TMEM132C: variants seen among roughly 807,000 people sequenced by gnomAD.
TMEM132C encodes the protein transmembrane protein 132C.
In TMEM132C, 29 loss-of-function variants were observed where a neutral mutation model predicts 61.4. That is an observed-to-expected ratio of 0.47 (90% CI 0.35 to 0.64). The LOEUF (loss-of-function observed/expected upper bound fraction) is 0.64. Among genes scored for constraint, TMEM132C ranks in the 30% least tolerant of loss-of-function variants. TMEM132C has a pLI of 0.00. For synonymous variants in TMEM132C, 656 were observed against 633.1 expected (o/e 1.04, Z -0.54); for missense variants, 1,408 against 1,476.9 (o/e 0.95, Z 0.76).
At chr12:128,542,802 A>C (rs1873804426) in intron 2 of TMEM132C, among the ~76,000 whole-genome samples, 1 of 150,298 alleles carries the variant, frequency 6.7e-6, no homozygotes, top group Admixed American at 6.7e-5. Flanking sequence ...CGGAGGTTGC[A>C]ATGAGCCAAG....
At chr12:128,366,348 C>G (rs1291210517) in intron 1 of TMEM132C, among the ~76,000 whole-genome samples, 2 of 152,262 alleles carry the variant, frequency 1.3e-5, no homozygotes, top group Non-Finnish European at 2.9e-5. Context: ...GCGTGGACAA[C>G]TGCACAGTGC....
At chr12:128,304,196 T>G (rs1871684013) in intron 1 of TMEM132C, among the ~76,000 whole-genome samples, 2 of 152,208 alleles carry the variant, frequency 1.3e-5, no homozygotes, top group South Asian at 4.1e-4. Context: ...TAATTTATCT[T>G]TTATTGAGAC....
Position 128,447,973 on chromosome 12 carries a change from G to T in TMEM132C, c.974+32353G>T, listed in dbSNP as rs758660723. On this transcript the variant is annotated intron_variant, in intron 2 of 8. Coordinates refer to ENST00000435159, the MANE Select transcript of TMEM132C (RefSeq NM_001136103.3). Reference sequence around the variant, plus strand: ...GATCTCCTGACCTCATGATCCACCCGCCTCGGCCTCCCAAAGTGCTGGGTC... The same window carrying T: ...GATCTCCTGACCTCATGATCCACCCTCCTCGGCCTCCCAAAGTGCTGGGTC... Among the ~76,000 whole-genome samples, 4 of 95,462 alleles carry T rather than the reference G, an allele frequency of 4.2e-5. 1 individual carries two copies. The highest frequency in any genetic ancestry group is 8.3e-5 in the Non-Finnish European group (4 of 48,276). The allele number at this position is 95,462 out of a possible 152,430, so 62.6% of individuals were successfully genotyped here. A position where few individuals can be genotyped will look rare whatever the true frequency, so the allele number is the denominator to read the frequency against.
At chr12:128,447,388 A>G (rs1870018479) in intron 2 of TMEM132C, among the ~76,000 whole-genome samples, 1 of 152,218 alleles carries the variant, frequency 6.6e-6, no homozygotes, top group Non-Finnish European at 1.5e-5. Flanking sequence ...ATTTGGTGCC[A>G]TCAGGGAAGG....
At chr12:128,333,184 G>A (rs1872705122) in intron 1 of TMEM132C, among the ~76,000 whole-genome samples, 1 of 142,912 alleles carries the variant, frequency 7.0e-6, no homozygotes, top group East Asian at 1.9e-4. Context: ...GTGTGGGAGT[G>A]TGTGTGTGTA....
intron 1 of TMEM132C, among the ~76,000 whole-genome samples, chr12:128,408,451 C>T (rs1024555084): frequency 6.6e-6 from 1 of 152,022 alleles, no homozygotes; most frequent in Non-Finnish European, 1.5e-5. Context: ...CCTTGGCTCA[C>T]AACCTTCTCC....
chr12:128,565,850 G>C (rs574360793), intron 3 of TMEM132C, among the ~76,000 whole-genome samples: 1 of 148,762 alleles, frequency 6.7e-6, no homozygotes, highest in Non-Finnish European at 1.5e-5. Context: ...ATGAAGGTCA[G>C]TAACATAATA....
intron 1 of TMEM132C, among the ~76,000 whole-genome samples, chr12:128,321,135 G>GAAAAAAAAA (rs150141594): frequency 2.7e-4 from 35 of 128,080 alleles, no homozygotes; most frequent in Admixed American, 1.1e-3. Context: ...TGCCATTTTT[G>GAAAAAAAAA]AAAAATAATA....
intron 5 of TMEM132C, among the ~76,000 whole-genome samples, chr12:128,686,274 C>T (rs576087521): frequency 1.3e-5 from 2 of 152,254 alleles, no homozygotes; most frequent in South Asian, 2.1e-4. Context: ...CAAGGCTACA[C>T]GTGGTGGTTA....
chr12:128,561,587 T>C (rs534638530), intron 3 of TMEM132C, among the ~76,000 whole-genome samples: 2 of 152,362 alleles, frequency 1.3e-5, no homozygotes, highest in African/African-American at 4.8e-5. Context: ...TCATTAGGTC[T>C]GGACGATGAC....
intron 6 of TMEM132C, among the ~76,000 whole-genome samples, chr12:128,695,392 T>C (rs1318043887): frequency 6.6e-6 from 1 of 151,766 alleles, no homozygotes; most frequent in Admixed American, 6.6e-5. Context: ...AGCATGATAG[T>C]CCATGCCTGT....
intron 3 of TMEM132C, among the ~76,000 whole-genome samples, chr12:128,545,253 T>C (rs1215664864): frequency 6.6e-6 from 1 of 152,198 alleles, no homozygotes; most frequent in African/African-American, 2.4e-5. Context: ...TTAATTTGCT[T>C]AGGATAATGG....
At chr12:128,615,322 C>G (rs192693501) in intron 3 of TMEM132C, among the ~76,000 whole-genome samples, 250 of 152,200 alleles carry the variant, frequency 1.6e-3, no homozygotes, top group South Asian at 5.8e-3. Context: ...TGGGATGATT[C>G]AAGTACATTA....
chr12:128,491,140 A>G (rs114611114), intron 2 of TMEM132C, among the ~76,000 whole-genome samples: 256 of 152,300 alleles, frequency 1.7e-3, no homozygotes, highest in African/African-American at 5.7e-3. Context: ...GTGACAGGCA[A>G]GGTGCTCTGT....
At chr12:128,299,134 C>CGTTA (rs1262513230) in intron 1 of TMEM132C, among the ~76,000 whole-genome samples, 2 of 152,154 alleles carry the variant, frequency 1.3e-5, no homozygotes. Flanking sequence ...TACCTTTTAA[C>CGTTA]CATCACTCTG....
intron 1 of TMEM132C, among the ~76,000 whole-genome samples, chr12:128,311,919 G>A (rs369015365): frequency 6.6e-6 from 1 of 152,324 alleles, no homozygotes; most frequent in East Asian, 1.9e-4. Context: ...AAATTCAGAA[G>A]CTGAGTCATA....
intron 4 of TMEM132C, among the ~76,000 whole-genome samples, chr12:128,665,068 C>T (rs1954442675): frequency 6.6e-6 from 1 of 150,976 alleles, no homozygotes; most frequent in African/African-American, 2.4e-5. Flanking sequence ...AGCACTCTCA[C>T]ATACACAAAC....
intron 2 of TMEM132C, among the ~76,000 whole-genome samples, chr12:128,525,959 G>T (rs1015073535): frequency 6.6e-6 from 1 of 152,152 alleles, no homozygotes; most frequent in African/African-American, 2.4e-5. Context: ...CGACCTCCAC[G>T]GGCTACCACA....
chr12:128,673,231 C>T (rs1391281166), intron 5 of TMEM132C, among the ~76,000 whole-genome samples: 1 of 152,154 alleles, frequency 6.6e-6, no homozygotes, highest in Admixed American at 6.5e-5. Context: ...GAGGGTGGAG[C>T]CCCACGATGG....
Sources: gnomAD v4.1 joint callset for allele counts (sites outside exome capture counted in the v4.1 genomes callset) on GRCh38, gnomAD v4.1.1 for gene constraint, MANE v1.5 for transcripts, NCBI Gene and HGNC (gene_info 2026-07-23, HGNC 2026-07-21) for gene names.